C1orf21: variants seen among roughly 807,000 people sequenced by gnomAD.
The protein encoded by C1orf21 is uncharacterized protein C1orf21.
C1orf21 carries 3 observed loss-of-function variants against 18.7 expected under a neutral mutation model. The observed-to-expected ratio is 0.16, with a 90% confidence interval of 0.07 to 0.42. The LOEUF (loss-of-function observed/expected upper bound fraction) is 0.42, where lower values mean the gene tolerates loss of function less well. C1orf21 is among the 10% of genes least tolerant of loss of function. The probability of loss-of-function intolerance (pLI) is 0.99; values close to 1 mark genes in which losing one functional copy is unlikely to be tolerated. For missense variants in C1orf21, 104 were observed against 143.6 expected (o/e 0.72, Z 1.41); for synonymous variants, 41 against 46.4 (o/e 0.88, Z 0.47).
In C1orf21 at chr1:184,460,855, G is replaced by A. The variant is rs144435198; in HGVS notation, c.-124-16531G>A. Reference sequence around the variant, plus strand: ...TAAGACAGAGCCAATGTGTGTGAAAGGCAAGTGGTAAAGTGACAGTTGTTT... The same window carrying A: ...TAAGACAGAGCCAATGTGTGTGAAAAGCAAGTGGTAAAGTGACAGTTGTTT... On this transcript the variant is annotated intron_variant, in intron 1 of 5. Transcript: ENST00000235307. Among the ~76,000 whole-genome samples, 3 of 151,980 alleles carry A rather than the reference G, an allele frequency of 2.0e-5. No homozygotes were observed. The East Asian group carries it at 5.8e-4, about 29-fold the overall frequency.
At chr1:184,586,321 C>T (rs1237636824) in intron 3 of C1orf21, among the ~76,000 whole-genome samples, 2 of 133,130 alleles carry the variant, frequency 1.5e-5, no homozygotes, top group African/African-American at 3.0e-5. Context: ...GTCTCGCTGT[C>T]GCCCAGGCTG....
intron 1 of C1orf21, among the ~76,000 whole-genome samples, chr1:184,407,676 T>C (rs894933583): frequency 2.0e-5 from 3 of 152,166 alleles, no homozygotes; most frequent in Admixed American, 1.3e-4. Flanking sequence ...CTGCTTGCCT[T>C]TGAAGCATCA....
In C1orf21 at chr1:184,619,592, G is replaced by C. The variant is rs759618253; in HGVS notation, c.*36G>C. 1 of 1,598,102 alleles carries C rather than the reference G, an allele frequency of 6.3e-7. No individual in the cohort carries two copies. Among genetic ancestry groups the C allele is most frequent in the Non-Finnish European group, 8.6e-7 (1 of 1,168,716 alleles). The stretch of plus-strand genomic sequence containing the variant: ...ACCACTCAAACCAGGAGCTACTACT[G>C]TGTAAATAGGTTACACCCCAGTTGA... On this transcript the variant is annotated 3_prime_UTR_variant, in exon 6 of 6. Transcript: ENST00000235307.
Position 184,387,661 on chromosome 1 carries a change from C to T in C1orf21, c.-125+293C>T, listed in dbSNP as rs1245200163. ...GCTGGGATGTGGTCGGGGCTGCTGA[C>T]GACTTTCGTCACATCGAGGCCTGGG... On this transcript the variant is annotated intron_variant, in intron 1 of 5. Transcript: ENST00000235307. The surrounding 1 kb of genome is among the most constrained non-coding windows in gnomAD (Gnocchi z 5.6). Among the ~76,000 whole-genome samples the T allele has an allele frequency of 6.6e-6, 1 of 152,138 alleles. No homozygotes were observed. The highest frequency in any genetic ancestry group is 6.5e-5 in the Admixed American group (1 of 15,286).
At position 184,576,381 on chromosome 1, in the gene C1orf21, T is replaced by C. The variant is rs367658509; in HGVS notation, c.190-14358T>C. Among the ~76,000 whole-genome samples, 305 of 152,338 alleles carry C rather than the reference T, an allele frequency of 2.0e-3. 1 individual carries two copies. The highest frequency in any genetic ancestry group is 7.2e-3 in the African/African-American group (301 of 41,572). ...CTCAGGTGATCTGCCCACCTGGGCCTTCCAAAGTGCTGGGATTACAGGCGT... is the reference window on the plus strand; with the variant it reads ...CTCAGGTGATCTGCCCACCTGGGCCCTCCAAAGTGCTGGGATTACAGGCGT... On this transcript the variant is annotated intron_variant, in intron 3 of 5. Transcript: ENST00000235307.
At chr1:184,437,875 T>G (rs1247581357) in intron 1 of C1orf21, among the ~76,000 whole-genome samples, 3 of 151,982 alleles carry the variant, frequency 2.0e-5, no homozygotes, top group African/African-American at 7.3e-5. Context: ...TGACAGATCA[T>G]CAGGTATTAG....
chr1:184,513,185 AG>A (rs1368357273), intron 3 of C1orf21, among the ~76,000 whole-genome samples: 1 of 152,252 alleles, frequency 6.6e-6, no homozygotes, highest in African/African-American at 2.4e-5. Flanking sequence ...TTAAAGTATT[AG>A]AAGAAATTAT....
At chr1:184,421,343 C>T (rs1327414833) in intron 1 of C1orf21, among the ~76,000 whole-genome samples, 1 of 152,186 alleles carries the variant, frequency 6.6e-6, no homozygotes, top group African/African-American at 2.4e-5. Context: ...TGGGCTCAAG[C>T]AGTCCTCTTA....
intron 3 of C1orf21, among the ~76,000 whole-genome samples, chr1:184,540,893 T>C (rs1407826163): frequency 6.6e-6 from 1 of 152,258 alleles, no homozygotes; most frequent in Non-Finnish European, 1.5e-5. Context: ...AAATGTTTAT[T>C]ATTTTTTAAC....
chr1:184,416,314 T>G (rs1456348681), intron 1 of C1orf21, among the ~76,000 whole-genome samples: 1 of 152,196 alleles, frequency 6.6e-6, no homozygotes, highest in East Asian at 1.9e-4. Flanking sequence ...GTGGATGATT[T>G]TAACCTATAA....
intron 1 of C1orf21, among the ~76,000 whole-genome samples, chr1:184,419,765 C>A (rs142718602): frequency 9.1e-4 from 139 of 152,174 alleles, no homozygotes; most frequent in African/African-American, 3.3e-3. Context: ...GAGGGAGGAA[C>A]CTTCCAGGCC....
chr1:184,395,634 G>T (rs915943318), intron 1 of C1orf21, among the ~76,000 whole-genome samples: 4 of 151,994 alleles, frequency 2.6e-5, no homozygotes, highest in Non-Finnish European at 5.9e-5. Flanking sequence ...AATAGACAAA[G>T]GTGCTTTGGG....
chr1:184,496,067 A>G lies in C1orf21; in HGVS notation c.95-11521A>G, dbSNP rs1300737817. On this transcript the variant is annotated intron_variant, in intron 2 of 5. Transcript: ENST00000235307. ...GAAGTTGGCAGAAGGTGAATCCTGG[A>G]AGATGAGATGTTAAAGGAGTGGCCC... is the stretch of plus-strand genomic sequence containing the variant. 7.2e-5 allele frequency among the ~76,000 whole-genome samples: 11 copies of G among 152,050 alleles called. 1 individual carries two copies. The highest frequency in any genetic ancestry group is 5.2e-4 in the Admixed American group (8 of 15,260).
At chr1:184,430,924 A>T (rs1656751530) in intron 1 of C1orf21, among the ~76,000 whole-genome samples, 1 of 152,154 alleles carries the variant, frequency 6.6e-6, no homozygotes, top group Admixed American at 6.5e-5. Flanking sequence ...ATGAGCACGG[A>T]ATGTTTTTCC....
intron 4 of C1orf21, among the ~76,000 whole-genome samples, chr1:184,597,697 A>G (rs771072785): frequency 6.5e-5 from 9 of 138,684 alleles, no homozygotes; most frequent in Non-Finnish European, 1.4e-4. Flanking sequence ...TGCTCTTCCC[A>G]TATGTAATTC....
At chr1:184,511,847 T>TA in intron 3 of C1orf21, among the ~76,000 whole-genome samples, 1 of 152,234 alleles carries the variant, frequency 6.6e-6, no homozygotes, top group Admixed American at 6.5e-5. Flanking sequence ...GAGCCCCTTA[T>TA]AAAACCATCA....
At chr1:184,427,041 A>G (rs1369127733) in intron 1 of C1orf21, among the ~76,000 whole-genome samples, 1 of 152,152 alleles carries the variant, frequency 6.6e-6, no homozygotes, top group Admixed American at 6.5e-5. Flanking sequence ...TGGTGAAGGT[A>G]AGAATGTTAT....
chr1:184,469,032 C>A (rs1445526638), intron 1 of C1orf21, among the ~76,000 whole-genome samples: 1 of 151,746 alleles, frequency 6.6e-6, no homozygotes, highest in African/African-American at 2.4e-5. Context: ...GTCAAGAGTT[C>A]AAAACCAGTG....
intron 2 of C1orf21, 89 bp downstream of exon 2, chr1:184,477,692 G>T: frequency 9.7e-7 from 1 of 1,033,646 alleles, no homozygotes. Context: ...CATATTTATG[G>T]GGTGCTTGTG....
Sources: gnomAD v4.1 joint callset for allele counts (sites outside exome capture counted in the v4.1 genomes callset) on GRCh38, gnomAD v4.1.1 for gene constraint, Gnocchi (gnomAD v3.1) non-coding constraint, MANE v1.5 for transcripts, NCBI Gene and HGNC (gene_info 2026-07-23, HGNC 2026-07-21) for gene names.